Variants in SPRY3 observed in about 807,000 individuals in gnomAD.
The protein encoded by SPRY3 is protein sprouty homolog 3.
Under a neutral mutation model 20.2 loss-of-function variants are expected in SPRY3, and 15 were observed. The observed-to-expected ratio is 0.74, with a 90% CI of 0.50 to 1.14. The LOEUF (loss-of-function observed/expected upper bound fraction) is 1.14. SPRY3 is among the 50% of genes most tolerant of loss of function. SPRY3 has a pLI of 0.00. For missense variants in SPRY3, 364 were observed against 363.9 expected, an observed-to-expected ratio of 1.00 and a Z score of 0.00; for synonymous variants, 143 against 136.5, an observed-to-expected ratio of 1.05 and a Z score of -0.33.
intron 2 of SPRY3, among the ~76,000 whole-genome samples, chrX:155,659,905 T>C (rs1227651296): frequency 8.9e-6 from 1 of 112,305 alleles, no homozygotes; most frequent in African/African-American, 3.2e-5. Flanking sequence ...TCCTTATTTG[T>C]ATCTTCTCTC....
intron 2 of SPRY3, among the ~76,000 whole-genome samples, chrX:155,709,488 T>C (rs2090972458): frequency 6.6e-6 from 1 of 151,850 alleles, no homozygotes; most frequent in African/African-American, 2.4e-5. Flanking sequence ...TTCAAGTCTT[T>C]TGCCCATTTT....
chrX:155,745,765 T>G (rs184710702), intron 2 of SPRY3, among the ~76,000 whole-genome samples: 1 of 152,204 alleles, frequency 6.6e-6, no homozygotes, highest in East Asian at 1.9e-4. Flanking sequence ...GCTTGGCATA[T>G]AGTAAGCACC....
At chrX:155,724,160 C>A (rs2091082063) in intron 2 of SPRY3, among the ~76,000 whole-genome samples, 1 of 152,060 alleles carries the variant, frequency 6.6e-6, no homozygotes, top group Non-Finnish European at 1.5e-5. Flanking sequence ...GTTTTGGTAC[C>A]AGTACCATGC....
At chrX:155,736,800 CTCTT>C (rs1207458658) in intron 2 of SPRY3, among the ~76,000 whole-genome samples, 2 of 151,906 alleles carry the variant, frequency 1.3e-5, no homozygotes, top group Admixed American at 6.6e-5. Context: ...GTTTCTTTCT[CTCTT>C]TCTTCTTCTG....
intron 1 of SPRY3, among the ~76,000 whole-genome samples, chrX:155,620,631 A>T (rs1449185483): frequency 8.9e-6 from 1 of 111,734 alleles, no homozygotes; most frequent in Non-Finnish European, 1.9e-5. Context: ...TTCCAAAATT[A>T]AATTATGCTG....
intron 2 of SPRY3, among the ~76,000 whole-genome samples, chrX:155,732,396 T>C (rs1425836858): frequency 6.6e-6 from 1 of 152,012 alleles, no homozygotes. Flanking sequence ...GGCAGTCATA[T>C]GAAAAGGTGC....
intron 2 of SPRY3, among the ~76,000 whole-genome samples, chrX:155,748,980 A>G (rs1358533321): frequency 6.6e-6 from 1 of 151,932 alleles, no homozygotes; most frequent in Non-Finnish European, 1.5e-5. Flanking sequence ...AACCAACACA[A>G]TAACTAATGG....
At chrX:155,753,191 C>A (rs1291141249) in intron 2 of SPRY3, among the ~76,000 whole-genome samples, 2 of 151,884 alleles carry the variant, frequency 1.3e-5, no homozygotes, top group African/African-American at 4.8e-5. Flanking sequence ...TCACCACTAT[C>A]TTATACCATA....
chrX:155,706,414 A>C (rs181721629), intron 2 of SPRY3, among the ~76,000 whole-genome samples: 170 of 151,300 alleles, frequency 1.1e-3, no homozygotes, highest in Non-Finnish European at 2.1e-3. Flanking sequence ...TTAGGAAATA[A>C]GTCTTACATA....
intron 1 of SPRY3, among the ~76,000 whole-genome samples, chrX:155,625,514 T>C (rs782149606): frequency 9.0e-6 from 1 of 111,672 alleles, no homozygotes; most frequent in Non-Finnish European, 1.9e-5. Context: ...AATAGATATT[T>C]CCTCTCCTTC....
chrX:155,715,035 T>C (rs2124546286), intron 2 of SPRY3, among the ~76,000 whole-genome samples: 1 of 152,238 alleles, frequency 6.6e-6, no homozygotes, highest in African/African-American at 2.4e-5. Flanking sequence ...AGGCCAGTAC[T>C]TAGGGACTCC....
intron 1 of SPRY3, among the ~76,000 whole-genome samples, chrX:155,647,978 CTT>C (rs1258738625): frequency 9.0e-6 from 1 of 111,612 alleles, no homozygotes; most frequent in Admixed American, 9.4e-5. Flanking sequence ...TGTTTCCTGA[CTT>C]TTTAATGATC....
At chrX:155,678,281 G>A (rs907426753) in intron 2 of SPRY3, among the ~76,000 whole-genome samples, 1 of 111,057 alleles carries the variant, frequency 9.0e-6, no homozygotes, top group Non-Finnish European at 1.9e-5. Context: ...GTGAGAAAAC[G>A]TTCTACCTCC....
At chrX:155,719,202 G>A (rs190146594) in intron 2 of SPRY3, among the ~76,000 whole-genome samples, 150 of 152,234 alleles carry the variant, frequency 9.9e-4, no homozygotes, top group Non-Finnish European at 1.7e-3. Context: ...GTTTCGTGCT[G>A]TCCTGTTATA....
chrX:155,706,768 C>T lies in SPRY3; in HGVS notation c.-282+49743C>T, dbSNP rs376559102. On this transcript the variant is annotated intron_variant, in intron 2 of 3. Coordinates refer to ENST00000675360, the Ensembl canonical transcript of SPRY3. ...AAATGGGCTAAATCCCTGGGAGGCG[C>T]GAACTACAAAAACTCATCCAAGAAG... Among the ~76,000 whole-genome samples, 85 of 150,882 alleles carry T rather than the reference C, an allele frequency of 5.6e-4. No individual in the cohort carries two copies. In the South Asian group the frequency reaches 0.016, roughly 28 times the overall value.
chrX:155,774,297 G>A (rs138055686), exon 4 of SPRY3: 52 of 1,613,918 alleles, frequency 3.2e-5, no homozygotes, highest in Non-Finnish European at 4.2e-5. Context: ...ACCCTAGTGA[G>A]CACCTCTTCA....
At chrX:155,714,533 T>TCCAG (rs1460932557) in intron 2 of SPRY3, among the ~76,000 whole-genome samples, 1 of 152,174 alleles carries the variant, frequency 6.6e-6, no homozygotes, top group Non-Finnish European at 1.5e-5. Flanking sequence ...TCTTTTTCTC[T>TCCAG]GTGTTGAGCC....
chrX:155,745,848 G>A (rs1049702314), intron 2 of SPRY3, among the ~76,000 whole-genome samples: 50 of 151,900 alleles, frequency 3.3e-4, no homozygotes, highest in Non-Finnish European at 6.2e-4. Context: ...AGAAACACTG[G>A]GTAGGAGCTT....
rs775679519 is a variant in SPRY3, at chrX:155,725,238, T to A, written c.-281-42724T>A. Among the ~76,000 whole-genome samples, 16 of 152,292 alleles carry A rather than the reference T, an allele frequency of 1.1e-4. No individual in the cohort carries two copies. In the South Asian group the frequency reaches 3.1e-3, roughly 30 times the overall value. On this transcript the variant is annotated intron_variant, in intron 2 of 3. Coordinates refer to ENST00000675360, the Ensembl canonical transcript of SPRY3. ...CAGTTTGCCAGTATTTTATTGAGGA[T>A]TTTTGCATCGAAGTTCATCAGGGAT...
Sources: gnomAD v4.1 joint callset for allele counts (sites outside exome capture counted in the v4.1 genomes callset) on GRCh38, gnomAD v4.1.1 for gene constraint, MANE v1.5 for transcripts, NCBI Gene and HGNC (gene_info 2026-07-23, HGNC 2026-07-21) for gene names.